PDGFRB: variants seen among roughly 807,000 people sequenced by gnomAD.
PDGFRB encodes platelet-derived growth factor receptor beta.
A neutral mutation model predicts 120.2 loss-of-function variants in PDGFRB; 42 were observed. The observed-to-expected ratio is 0.35, with a 90% CI of 0.27 to 0.45. PDGFRB has a LOEUF of 0.45. PDGFRB is among the 20% of genes least tolerant of loss of function. PDGFRB has a pLI of 1.00. For synonymous variants in PDGFRB, 586 were observed against 606.8 expected (o/e 0.97, Z 0.50); for missense variants, 1,149 against 1,476.3 (o/e 0.78, Z 3.63).
rs778788275 is a variant in PDGFRB at position 150,133,770 on chromosome 5, C to G, written c.760-10G>C. ...CCACCAGCCGCCCACTCTGCAGCAACAGGTTGGGCAGGCCCCCCAAATCAG... is the reference window on the plus strand; with the variant it reads ...CCACCAGCCGCCCACTCTGCAGCAAGAGGTTGGGCAGGCCCCCCAAATCAG... On this transcript the variant is annotated splice_polypyrimidine_tract_variant and intron_variant, in intron 5 of 22. Coordinates refer to ENST00000261799, the MANE Select transcript of PDGFRB (RefSeq NM_002609.4). The G allele has an allele frequency of 1.2e-5, 20 of 1,613,416 alleles. 1 individual carries two copies. In the South Asian group the frequency reaches 2.0e-4, roughly 16 times the overall value.
At chr5:150,133,131 T>C (rs532948176) in intron 6 of PDGFRB, among the ~76,000 whole-genome samples, 189 bp from the exon 7 acceptor site, 2 of 152,278 alleles carry the variant, frequency 1.3e-5, no homozygotes, top group South Asian at 4.1e-4. Flanking sequence ...CTAATATGGA[T>C]GCTGGGGCCA....
intron 4 of PDGFRB, 89 bp from the exon 5 acceptor site, chr5:150,134,097 G>T: frequency 1.7e-6 from 2 of 1,177,980 alleles, no homozygotes; most frequent in South Asian, 1.2e-5. Flanking sequence ...GCTAGAGAGG[G>T]AAAGGATGAC....
At position 150,124,181 on chromosome 5, in the gene PDGFRB, G is replaced by A. The variant is rs56166523; in HGVS notation, c.2023+69C>T. On this transcript the variant is annotated intron_variant, in intron 14 of 22. Transcript: ENST00000261799. ...GTGCTGTTGTGCAAGGCCTGAGGGG[G>A]GGGTAGGCGGGGCCTGGCCTTGGTG... is the stretch of plus-strand genomic sequence containing the variant. The A allele has an allele frequency of 6.1e-4, 633 of 1,034,380 alleles. 1 individual carries two copies. The Middle Eastern group carries it at 0.017, about 27-fold the overall frequency. The allele number at this position is 1,034,380 out of a possible 1,614,324, so 64.1% of individuals were successfully genotyped here.
chr5:150,129,332 A>C (rs755526293), intron 10 of PDGFRB, among the ~76,000 whole-genome samples: 3 of 152,050 alleles, frequency 2.0e-5, no homozygotes, highest in Non-Finnish European at 4.4e-5. Context: ...GTTTACATAC[A>C]TGGACAGGCA....
At position 150,129,886 on chromosome 5, in the gene PDGFRB, C is replaced by T. The variant is rs765124485; in HGVS notation, c.1450G>A (p.Glu484Lys). 9 of 1,614,166 alleles carry T rather than the reference C, an allele frequency of 5.6e-6. No individual in the cohort carries two copies. The Admixed American group carries it at 8.3e-5, about 15-fold the overall frequency. Residue 484 changes from glutamate to lysine, a missense_variant, in exon 10 of 23, where the codon GAG becomes AAG. Glu to Lys is a moderately conservative substitution (Grantham distance 56). Transcript: ENST00000261799. ...SQLETNVTYW[E>K]EEQEFEVVST... ...ACCACCTCAAACTCCTGCTCCTCCT[C>T]CCAGTACGTCACGTTAGTCTCCAGC...
chr5:150,127,272 C>A (rs868634992), intron 10 of PDGFRB, among the ~76,000 whole-genome samples: 2 of 152,196 alleles, frequency 1.3e-5, no homozygotes, highest in Admixed American at 1.3e-4. Flanking sequence ...TCAGCCTCTT[C>A]GCTGTACAGC....
At chr5:150,152,185 G>T (rs574308893) in intron 1 of PDGFRB, among the ~76,000 whole-genome samples, 1 of 152,200 alleles carries the variant, frequency 6.6e-6, no homozygotes, top group South Asian at 2.1e-4. Context: ...GGGATTACAT[G>T]TGTGAGCCAC....
chr5:150,121,364 T>G lies in PDGFRB; in HGVS notation c.2345-42A>C. On this transcript the variant is annotated intron_variant, in intron 16 of 22. Coordinates refer to ENST00000261799, the MANE Select transcript of PDGFRB (RefSeq NM_002609.4). This position sits in a 1 kb window ranked among gnomAD's most constrained non-coding sequence, Gnocchi z 4.1. ...GGGTCACCTGCTATCTTATATCTCC[T>G]TCTGGCCCACAGGACCCCTGCCCTT... 6.5e-6 allele frequency: 6 copies of G among 921,534 alleles called. No homozygotes were observed. Among genetic ancestry groups the G allele is most frequent in the Admixed American group, 1.7e-5 (1 of 59,180 alleles). The allele number at this position is 921,534 out of a possible 1,614,324, so 57.1% of individuals were successfully genotyped here.
rs1361458551 is a variant in PDGFRB at position 150,117,787 on chromosome 5, C to T, written c.2968G>A (p.Ala990Thr). The T allele has an allele frequency of 1.2e-6, 2 of 1,613,906 alleles. No individual in the cohort carries two copies. Among genetic ancestry groups the T allele is most frequent in the Admixed American group, 1.7e-5 (1 of 60,012 alleles). The change falls in exon 22 of 23, where the codon GCC becomes ACC. Residue 990 changes from alanine (A) to threonine (T), a missense_variant. Physicochemically the swap from Ala to Thr is moderately conservative, Grantham distance 58. Coordinates refer to ENST00000261799, the MANE Select transcript of PDGFRB (RefSeq NM_002609.4). ...SDHPAILRSQ[A>T]RLPGFHGLRS... ...AGGCCATGGAACCCAGGCAAGCGGG[C>T]CTGGGACCGAAGGATGGCTGGGTGG...
intron 3 of PDGFRB, 72 bp downstream of exon 3, chr5:150,135,483 C>T (rs996390451): frequency 1.0e-6 from 1 of 962,440 alleles, no homozygotes; most frequent in East Asian, 2.4e-5. Flanking sequence ...CTAAAGCACT[C>T]TCTGGACTTC....
chr5:150,120,169 G>T lies in PDGFRB; in HGVS notation c.2587-46C>A. ...GTGCTGAGTGCAAGGAAGGACCTCA[G>T]CCCCACTCTGCACCTGGGATGGGAG... On this transcript the variant is annotated intron_variant, in intron 18 of 22. Coordinates refer to ENST00000261799, the MANE Select transcript of PDGFRB (RefSeq NM_002609.4). The surrounding 1 kb of genome is among the most constrained non-coding windows in gnomAD (Gnocchi z 4.3). The T allele has an allele frequency of 2.4e-6, 2 of 833,548 alleles. No individual in the cohort carries two copies. The highest frequency in any genetic ancestry group is 4.3e-6 in the Non-Finnish European group (2 of 468,480). The allele number at this position is 833,548 out of a possible 1,614,324, so 51.6% of individuals were successfully genotyped here.
At position 150,114,163 on chromosome 5, in the gene PDGFRB, C is replaced by T. The variant is rs561030798; in HGVS notation, c.*1600G>A. The stretch of plus-strand genomic sequence containing the variant: ...GGGCGTCTTGGCTACAACCCTGACT[C>T]CCCTGGCACCTCCAATGCCCACTGG... On this transcript the variant is annotated 3_prime_UTR_variant, in exon 23 of 23. Coordinates refer to ENST00000261799, the MANE Select transcript of PDGFRB (RefSeq NM_002609.4). The T allele has an allele frequency of 1.3e-4, 30 of 233,280 alleles. No homozygotes were observed. Among genetic ancestry groups the T allele is most frequent in the Non-Finnish European group, 2.2e-4 (26 of 117,920 alleles). 14.5% of individuals were successfully genotyped at this position (233,280 alleles called of 1,614,324 possible).
intron 1 of PDGFRB, among the ~76,000 whole-genome samples, chr5:150,138,317 T>C (rs567347291): frequency 2.6e-4 from 39 of 152,204 alleles, no homozygotes; most frequent in African/African-American, 8.7e-4. Flanking sequence ...CCCTTTTAGT[T>C]TTCAGTTTAG....
chr5:150,123,169 A>G lies in PDGFRB; in HGVS notation c.2056T>C (p.Tyr686His). 1 of 1,613,826 alleles carries G rather than the reference A, an allele frequency of 6.2e-7. No individual in the cohort carries two copies. The highest frequency in any genetic ancestry group is 2.2e-5 in the East Asian group (1 of 44,878). The change falls in exon 15 of 23, where the codon TAC becomes CAC. Residue 686 changes from tyrosine (Y) to histidine (H), a missense_variant. Coordinates refer to ENST00000261799, the MANE Select transcript of PDGFRB (RefSeq NM_002609.4). ...PIYIITEYCR[Y>H]GDLVDYLHRN... ...TGCAGGTAGTCCACCAGGTCTCCGTAGCGGCAGTACTCAGTGATGATATAG... is the reference window on the plus strand; with the variant it reads ...TGCAGGTAGTCCACCAGGTCTCCGTGGCGGCAGTACTCAGTGATGATATAG...
At chr5:150,154,835 T>C (rs959577525) in intron 1 of PDGFRB, among the ~76,000 whole-genome samples, 24 of 152,170 alleles carry the variant, frequency 1.6e-4, no homozygotes, top group Admixed American at 3.3e-4. Context: ...CCTCGAACTT[T>C]CCTAGCCCTC....
At chr5:150,147,974 C>T (rs1760971814) in intron 1 of PDGFRB, among the ~76,000 whole-genome samples, 1 of 152,204 alleles carries the variant, frequency 6.6e-6, no homozygotes, top group Non-Finnish European at 1.5e-5. Context: ...CGGGACTAGG[C>T]TTCTCAGCAA....
In PDGFRB at chr5:150,121,631, A is replaced by G. The variant is rs1760136963; in HGVS notation, c.2344+249T>C. 6.6e-6 allele frequency among the ~76,000 whole-genome samples: 1 copy of G among 152,138 alleles called. No homozygotes were observed. The highest frequency in any genetic ancestry group is 2.1e-4 in the South Asian group (1 of 4,822). ...TAGATCACTTTCCCTACCACGACAA[A>G]AGGCCAGGTCCTCCCATATCCCTGC... On this transcript the variant is annotated intron_variant, in intron 16 of 22. Transcript: ENST00000261799. This position sits in a 1 kb window ranked among gnomAD's most constrained non-coding sequence, Gnocchi z 4.1.
In PDGFRB at chr5:150,115,860, T is replaced by G. The variant is rs1288552222; in HGVS notation, c.3224A>C (p.Gln1075Pro). Residue 1075 changes from glutamine (Q) to proline (P), a missense_variant, in exon 23 of 23, where the codon CAG (glutamine) becomes CCG (proline). Physicochemically the swap from Gln to Pro is moderately conservative, Grantham distance 76 (BLOSUM62 -1). This residue lies in a region of PDGFRB where 202 missense variants were observed against 214.3 expected (regional missense o/e 0.94). Coordinates refer to ENST00000261799, the MANE Select transcript of PDGFRB (RefSeq NM_002609.4). ...EPQDEPEPEPQLELQVEPEPE... is the reference protein window; with the variant it reads ...EPQDEPEPEPPLELQVEPEPE... ...CTCCGGCTCCACCTGGAGCTCAAGC[T>G]GGGGCTCTGGCTCTGGTTCGTCCTG... 22 of 1,612,162 alleles carry G rather than the reference T, an allele frequency of 1.4e-5. No homozygotes were observed. The East Asian group carries it at 4.5e-4, about 33-fold the overall frequency.
rs756210461 is a variant in PDGFRB, at chr5:150,121,985, C to T, written c.2239G>A (p.Glu747Lys). ...DGGYMDMSKD[E>K]SVDYVPMLDM... ...AGCATGGGCACATAGTCCACCGACTCGTCCTTGCTCATGTCCATGTAGCCA... is the reference window on the plus strand; with the variant it reads ...AGCATGGGCACATAGTCCACCGACTTGTCCTTGCTCATGTCCATGTAGCCA... The change falls in exon 16 of 23, where the codon GAG becomes AAG. Residue 747 changes from glutamate to lysine, a missense_variant. By Grantham distance (56) the Glu-to-Lys change is moderately conservative (BLOSUM62 1). Around this residue, in one of 3 missense-constraint regions of PDGFRB, gnomAD observed 879 missense variants for 1,108.6 expected, o/e 0.79. Transcript: ENST00000261799. The surrounding 1 kb of genome is among the most constrained non-coding windows in gnomAD (Gnocchi z 4.1). 37 of 1,613,548 alleles carry T rather than the reference C, an allele frequency of 2.3e-5. No homozygotes were observed. Among genetic ancestry groups the T allele is most frequent in the Non-Finnish European group, 2.8e-5 (33 of 1,179,604 alleles).
Sources: allele counts gnomAD v4.1 joint callset (sites outside exome capture counted in the v4.1 genomes callset), GRCh38; gene constraint gnomAD v4.1.1; regional missense constraint gnomAD v4.1.1; non-coding constraint Gnocchi (gnomAD v3.1); transcripts MANE v1.5; gene names NCBI Gene and HGNC (gene_info 2026-07-23, HGNC 2026-07-21).